Variants in CPNE4 observed in about 807,000 individuals in gnomAD.
CPNE4 encodes the protein copine-4.
Under a neutral mutation model 67.9 loss-of-function variants are expected in CPNE4, and 25 were observed. That is an observed-to-expected ratio of 0.37 (90% CI 0.27 to 0.51). The LOEUF (loss-of-function observed/expected upper bound fraction) is 0.51, where lower values mean the gene tolerates loss of function less well. Among genes scored for constraint, CPNE4 ranks in the 20% least tolerant of loss-of-function variants. CPNE4 has a pLI of 0.93. For synonymous variants in CPNE4, 242 were observed against 244.9 expected, an observed-to-expected ratio of 0.99 and a Z score of 0.11; for missense variants, 464 against 690.8, an observed-to-expected ratio of 0.67 and a Z score of 3.68.
intron 2 of CPNE4, among the ~76,000 whole-genome samples, chr3:131,764,593 T>C (rs1316669549): frequency 6.6e-6 from 1 of 152,106 alleles, no homozygotes; most frequent in Non-Finnish European, 1.5e-5. Context: ...CAGTATACAT[T>C]GTTACACTCC....
chr3:131,849,070 A>G (rs1315160642), intron 2 of CPNE4, among the ~76,000 whole-genome samples: 2 of 150,532 alleles, frequency 1.3e-5, no homozygotes, highest in Admixed American at 1.3e-4. Flanking sequence ...GAACCCTTTG[A>G]TTACAATCCT....
intron 1 of CPNE4, among the ~76,000 whole-genome samples, chr3:131,982,899 A>G (rs1042588361): frequency 1.3e-4 from 20 of 152,072 alleles, no homozygotes; most frequent in Non-Finnish European, 2.5e-4. Context: ...ATCATCATGG[A>G]TGCTCTAAAG....
chr3:131,761,754 G>A (rs914272116), intron 2 of CPNE4, among the ~76,000 whole-genome samples: 1 of 152,098 alleles, frequency 6.6e-6, no homozygotes, highest in African/African-American at 2.4e-5. Flanking sequence ...CAACAGTGAT[G>A]TCTTGGGTTA....
intron 2 of CPNE4, among the ~76,000 whole-genome samples, chr3:131,785,368 G>A (rs148471330): frequency 1.5e-4 from 23 of 151,964 alleles, no homozygotes; most frequent in Non-Finnish European, 2.9e-4. Context: ...TCCAGATACC[G>A]GCTTCATTAC....
At chr3:131,725,959 G>A (rs1184133307) in intron 2 of CPNE4, among the ~76,000 whole-genome samples, 15 of 152,096 alleles carry the variant, frequency 9.9e-5, no homozygotes. Flanking sequence ...GCAACATCTG[G>A]TCCAAATTCA....
chr3:131,817,629 A>G (rs865852774), intron 2 of CPNE4, among the ~76,000 whole-genome samples: 75 of 152,182 alleles, frequency 4.9e-4, no homozygotes, highest in African/African-American at 1.8e-3. Flanking sequence ...TTGGTCCAAG[A>G]TGCAAAAAGA....
chr3:131,805,479 G>A (rs962555024), intron 2 of CPNE4, among the ~76,000 whole-genome samples: 2 of 152,106 alleles, frequency 1.3e-5, no homozygotes, highest in African/African-American at 2.4e-5. Context: ...AAACAAATTC[G>A]ATCCTCATTT....
At chr3:131,734,790 T>G (rs887198400) in intron 2 of CPNE4, among the ~76,000 whole-genome samples, 1 of 151,838 alleles carries the variant, frequency 6.6e-6, no homozygotes, top group Non-Finnish European at 1.5e-5. Flanking sequence ...ACTCAGGAGG[T>G]TGAGGTGGGA....
At chr3:131,549,535 A>G (rs1405263871) in intron 14 of CPNE4, among the ~76,000 whole-genome samples, 1 of 152,160 alleles carries the variant, frequency 6.6e-6, no homozygotes, top group Non-Finnish European at 1.5e-5. Flanking sequence ...ACCAGGAGGC[A>G]GAATCATCCA....
chr3:131,921,270 T>C (rs1560604004), intron 1 of CPNE4, among the ~76,000 whole-genome samples: 1 of 152,208 alleles, frequency 6.6e-6, no homozygotes, highest in Admixed American at 6.5e-5. Context: ...CCAGTCTTAG[T>C]GTTTGTCTAT....
intron 12 of CPNE4, among the ~76,000 whole-genome samples, chr3:131,553,921 A>G (rs1253971140): frequency 6.6e-6 from 1 of 152,124 alleles, no homozygotes; most frequent in Non-Finnish European, 1.5e-5. Flanking sequence ...TGCCTATTGA[A>G]ACAAGAATAA....
chr3:131,750,862 C>G (rs1333697008), intron 2 of CPNE4, among the ~76,000 whole-genome samples: 1 of 151,776 alleles, frequency 6.6e-6, no homozygotes, highest in Non-Finnish European at 1.5e-5. Flanking sequence ...TTAGTTTTCT[C>G]TCATTTGAGA....
intron 1 of CPNE4, among the ~76,000 whole-genome samples, chr3:131,932,381 T>C (rs778264133): frequency 6.6e-6 from 1 of 152,078 alleles, no homozygotes; most frequent in Non-Finnish European, 1.5e-5. Context: ...CATATATCAA[T>C]TGAGGTCCTG....
At position 131,844,652 on chromosome 3, in the gene CPNE4, A is replaced by T. The variant is rs1399938672; in HGVS notation, c.180+60612T>A. Among the ~76,000 whole-genome samples the T allele has an allele frequency of 2.6e-5, 4 of 152,194 alleles. No individual in the cohort carries two copies. In the South Asian group the frequency reaches 8.3e-4, roughly 31 times the overall value. Reference sequence around the variant, plus strand: ...TCCTTGAAGCTAAATTGTTATTGTAATAATTATTAACATATTACTAGTTAC... The same window carrying T: ...TCCTTGAAGCTAAATTGTTATTGTATTAATTATTAACATATTACTAGTTAC... On this transcript the variant is annotated intron_variant, in intron 2 of 15. Coordinates refer to ENST00000429747, the MANE Select transcript of CPNE4 (RefSeq NM_130808.3).
chr3:131,828,496 C>T (rs543252127), intron 2 of CPNE4, among the ~76,000 whole-genome samples: 11 of 152,018 alleles, frequency 7.2e-5, no homozygotes, highest in African/African-American at 1.9e-4. Context: ...AGTGTTGCCC[C>T]GTTGTATGAA....
intron 2 of CPNE4, among the ~76,000 whole-genome samples, chr3:131,813,715 CA>C (rs2084624309): frequency 6.6e-6 from 1 of 151,960 alleles, no homozygotes; most frequent in African/African-American, 2.4e-5. Flanking sequence ...ATAGAAATAT[CA>C]AATGGCAGCC....
chr3:132,001,868 C>A (rs894740439), intron 1 of CPNE4, among the ~76,000 whole-genome samples: 2 of 152,106 alleles, frequency 1.3e-5, no homozygotes, highest in African/African-American at 4.8e-5. Context: ...TGTAATAAAT[C>A]ATTTGACATT....
At chr3:131,639,335 A>G (rs1190943515) in intron 7 of CPNE4, among the ~76,000 whole-genome samples, 1 of 152,108 alleles carries the variant, frequency 6.6e-6, no homozygotes, top group Non-Finnish European at 1.5e-5. Flanking sequence ...TAGATGTTAC[A>G]ACTGATACCA....
intron 2 of CPNE4, among the ~76,000 whole-genome samples, chr3:131,874,500 T>G (rs2087356555): frequency 6.6e-6 from 1 of 152,206 alleles, no homozygotes; most frequent in Non-Finnish European, 1.5e-5. Context: ...GAAAACTCTC[T>G]CTGTTGGTTG....
Sources: allele counts gnomAD v4.1 joint callset (sites outside exome capture counted in the v4.1 genomes callset), GRCh38; gene constraint gnomAD v4.1.1; transcripts MANE v1.5; gene names NCBI Gene and HGNC (gene_info 2026-07-23, HGNC 2026-07-21).